Variants in ARHGAP26 observed in about 807,000 individuals in gnomAD.
The protein encoded by ARHGAP26 is Rho GTPase activating protein 26.
Under a neutral mutation model 104.8 loss-of-function variants are expected in ARHGAP26, and 38 were observed. That is an observed-to-expected ratio of 0.36 (90% CI 0.28 to 0.48). The LOEUF is 0.48. Among genes scored for constraint, ARHGAP26 ranks in the 20% least tolerant of loss-of-function variants. The pLI is 0.99. For synonymous variants in ARHGAP26, 341 were observed against 340.0 expected (o/e 1.00, Z -0.03); for missense variants, 704 against 947.9 (o/e 0.74, Z 3.38).
chr5:143,215,760 A>T (rs1337912089), intron 22 of ARHGAP26, among the ~76,000 whole-genome samples: 1 of 152,194 alleles, frequency 6.6e-6, no homozygotes, highest in Non-Finnish European at 1.5e-5. Context: ...TAGTTTGCAT[A>T]ATGTTTTCAA....
At chr5:143,144,413 A>T (rs960989197) in intron 19 of ARHGAP26, among the ~76,000 whole-genome samples, 10 of 151,640 alleles carry the variant, frequency 6.6e-5, no homozygotes, top group East Asian at 1.9e-4. Context: ...TATTATTATT[A>T]TTTTTTAAAG....
chr5:143,046,262 C>G (rs1784224772), intron 14 of ARHGAP26, among the ~76,000 whole-genome samples: 1 of 152,174 alleles, frequency 6.6e-6, no homozygotes, highest in Admixed American at 6.5e-5. Flanking sequence ...CAAGATCACA[C>G]CACTGAACTC....
chr5:142,843,563 T>C (rs951422576), intron 1 of ARHGAP26, among the ~76,000 whole-genome samples: 9 of 152,088 alleles, frequency 5.9e-5, no homozygotes, highest in Non-Finnish European at 2.9e-5. Context: ...ACCTATGGAG[T>C]AGTGACGTAT....
intron 21 of ARHGAP26, among the ~76,000 whole-genome samples, chr5:143,212,692 AT>A (rs1809675727): frequency 6.6e-6 from 1 of 152,114 alleles, no homozygotes; most frequent in Non-Finnish European, 1.5e-5. Context: ...CGAGATAACC[AT>A]TTACTCTGAT....
intron 11 of ARHGAP26, among the ~76,000 whole-genome samples, chr5:142,980,803 G>A (rs1278400192): frequency 6.6e-6 from 1 of 152,148 alleles, no homozygotes; most frequent in African/African-American, 2.4e-5. Flanking sequence ...AGTAAATATT[G>A]CCACATAGTC....
chr5:143,090,631 G>A (rs1197765639), intron 17 of ARHGAP26, among the ~76,000 whole-genome samples: 2 of 152,186 alleles, frequency 1.3e-5, no homozygotes, highest in East Asian at 3.8e-4. Flanking sequence ...AGAAAAGGGG[G>A]AGAACTTGAG....
chr5:143,182,513 T>C (rs927949976), intron 20 of ARHGAP26, among the ~76,000 whole-genome samples: 1 of 152,220 alleles, frequency 6.6e-6, no homozygotes, highest in Non-Finnish European at 1.5e-5. Context: ...TTCCTAAATA[T>C]TTGTTAAGTG....
chr5:143,183,076 A>T, intron 20 of ARHGAP26, among the ~76,000 whole-genome samples: 1 of 149,640 alleles, frequency 6.7e-6, no homozygotes, highest in South Asian at 2.1e-4. Flanking sequence ...AAAGTGGCAA[A>T]AAAAAAAAAA....
chr5:143,012,578 A>ATGG lies in ARHGAP26; in HGVS notation c.1108-1500_1108-1499insGTG, dbSNP rs61689235. Among the ~76,000 whole-genome samples, 43 of 16,334 alleles carry ATGG rather than the reference A, an allele frequency of 2.6e-3. 7 individuals are homozygous for ATGG. Among genetic ancestry groups the ATGG allele is most frequent in the East Asian group, 0.013 (16 of 1,274 alleles). 10.7% of individuals were successfully genotyped at this position (16,334 alleles called of 152,430 possible). ...ATATATATATATATATATATATATTATGATCAGGTTCACCTTATGCCTTTC... is the reference window on the plus strand; with the variant it reads ...ATATATATATATATATATATATATTATGGTGATCAGGTTCACCTTATGCCTTTC... On this transcript the variant is annotated intron_variant, in intron 11 of 22. Transcript: ENST00000645722.
At chr5:143,032,716 CT>C (rs1163736269) in intron 12 of ARHGAP26, among the ~76,000 whole-genome samples, 9 of 152,186 alleles carry the variant, frequency 5.9e-5, no homozygotes, top group Admixed American at 5.2e-4. Flanking sequence ...ACTGTAGTCC[CT>C]ATCACATTAT....
chr5:143,128,915 C>G (rs897576566), intron 18 of ARHGAP26, among the ~76,000 whole-genome samples: 1 of 152,178 alleles, frequency 6.6e-6, no homozygotes, highest in African/African-American at 2.4e-5. Flanking sequence ...AATTTCCCTC[C>G]CATAAAAATC....
At chr5:142,842,340 G>A (rs1770979100) in intron 1 of ARHGAP26, among the ~76,000 whole-genome samples, 1 of 152,142 alleles carries the variant, frequency 6.6e-6, no homozygotes, top group African/African-American at 2.4e-5. Context: ...AGTTATCTGG[G>A]TATGTAGTCT....
chr5:143,174,983 A>G (rs1803274086), intron 20 of ARHGAP26, among the ~76,000 whole-genome samples: 1 of 152,244 alleles, frequency 6.6e-6, no homozygotes, highest in African/African-American at 2.4e-5. Context: ...CTGTGATTTA[A>G]CTACATTTCA....
intron 1 of ARHGAP26, among the ~76,000 whole-genome samples, chr5:142,777,413 T>C (rs1455294890): frequency 6.6e-6 from 1 of 152,234 alleles, no homozygotes; most frequent in South Asian, 2.1e-4. Context: ...GAAGAACTGT[T>C]ATCACCATTG....
intron 18 of ARHGAP26, among the ~76,000 whole-genome samples, chr5:143,130,432 C>T (rs1797195522): frequency 6.6e-6 from 1 of 152,120 alleles, no homozygotes; most frequent in Admixed American, 6.6e-5. Context: ...ATAAATCTCC[C>T]CCTTTTGTGT....
intron 1 of ARHGAP26, among the ~76,000 whole-genome samples, chr5:142,808,590 A>G (rs903980047): frequency 6.6e-6 from 1 of 152,086 alleles, no homozygotes; most frequent in Non-Finnish European, 1.5e-5. Context: ...CAGAAATACA[A>G]TCTTTTGATT....
intron 1 of ARHGAP26, among the ~76,000 whole-genome samples, chr5:142,846,480 C>T (rs1211039848): frequency 1.3e-5 from 2 of 152,294 alleles, no homozygotes; most frequent in East Asian, 3.9e-4. Flanking sequence ...CCTTCTTCTC[C>T]TCTCTGGCAA....
intron 20 of ARHGAP26, among the ~76,000 whole-genome samples, chr5:143,204,390 G>T (rs923340505): frequency 1.3e-5 from 2 of 152,074 alleles, no homozygotes; most frequent in African/African-American, 2.4e-5. Flanking sequence ...CAGGCATGGT[G>T]GGGGGGATCT....
At position 143,134,004 on chromosome 5, in the gene ARHGAP26, C is replaced by A. The variant is rs1336441992; in HGVS notation, c.1736C>A (p.Ala579Asp). ...GTGCCCGATATGCCTCTCACCAATGCCCAGCTGCACCTGTCTCGGAAGAAG... is the reference window on the plus strand; with the variant it reads ...GTGCCCGATATGCCTCTCACCAATGACCAGCTGCACCTGTCTCGGAAGAAG... ...NTVPDMPLTNAQLHLSRKKSS... is the reference protein window; with the variant it reads ...NTVPDMPLTNDQLHLSRKKSS... Residue 579 changes from alanine (A) to aspartate (D), a missense_variant, in exon 19 of 23, where the codon GCC (alanine) becomes GAC (aspartate). Ala to Asp is a moderately radical substitution (Grantham distance 126). Around this residue, in one of 6 missense-constraint regions of ARHGAP26, gnomAD observed 217 missense variants for 242.6 expected, o/e 0.89. Transcript: ENST00000645722. The A allele has an allele frequency of 6.2e-7, 1 of 1,612,864 alleles. No individual in the cohort carries two copies. Among genetic ancestry groups the A allele is most frequent in the South Asian group, 1.1e-5 (1 of 90,778 alleles).
Sources: gnomAD v4.1 joint callset for allele counts (sites outside exome capture counted in the v4.1 genomes callset) on GRCh38, gnomAD v4.1.1 for gene constraint, gnomAD v4.1.1 regional missense constraint, MANE v1.5 for transcripts, NCBI Gene and HGNC (gene_info 2026-07-23, HGNC 2026-07-21) for gene names.